Variants in NAA11 observed in about 807,000 individuals in gnomAD.
NAA11 encodes the protein N-alpha-acetyltransferase 11.
Under a neutral mutation model 16.1 loss-of-function variants are expected in NAA11, and 15 were observed. The ratio of observed to expected loss-of-function variants is 0.93; its 90% CI spans 0.62 to 1.44. The LOEUF is 1.44. Among genes scored for constraint, NAA11 ranks in the 40% most tolerant of loss-of-function variants. NAA11 has a pLI of 0.00. For synonymous variants in NAA11, 122 were observed against 112.4 expected (o/e 1.09, Z -0.54); for missense variants, 298 against 291.3 (o/e 1.02, Z -0.17).
chr4:79,252,214 G>A (rs1369735356), intron 2 of NAA11, among the ~76,000 whole-genome samples: 1 of 152,168 alleles, frequency 6.6e-6, no homozygotes, highest in Non-Finnish European at 1.5e-5. Flanking sequence ...AATGAGTGAT[G>A]AAAAATTACC....
At chr4:79,173,988 G>GT in the NAA11 span, among the ~76,000 whole-genome samples, 4 of 152,018 alleles carry the variant, frequency 2.6e-5, no homozygotes, top group African/African-American at 9.7e-5. Context: ...AGGAAGGAAG[G>GT]TAAAGGAGGC....
At chr4:79,214,061 CACCACCACAACACAGG>C in the NAA11 span, among the ~76,000 whole-genome samples, 1 of 152,264 alleles carries the variant, frequency 6.6e-6, no homozygotes, top group African/African-American at 2.4e-5. Flanking sequence ...GGATTATTTA[CACCACCACAACACAGG>C]AATTGACAAA....
chr4:79,244,681 G>A (rs1448773916), intron 2 of NAA11: 2 of 111,842 alleles, frequency 1.8e-5, no homozygotes, highest in Non-Finnish European at 3.5e-5. Context: ...CTCTGTTGCC[G>A]AGGCAGGACT....
chr4:79,325,464 A>G lies in NAA11; in HGVS notation c.414T>C (p.Tyr138=). Reference sequence around the variant, plus strand: ...TAGCATAAGCATCTTCCCCATCTGCATAGTATTTAGGTTCCACCTCACTAA... The same window carrying G: ...TAGCATAAGCATCTTCCCCATCTGCGTAGTATTTAGGTTCCACCTCACTAA... ...FQISEVEPKY[Y]ADGEDAYAMK... Residue 138 remains tyrosine, a synonymous_variant, in exon 1 of 2, where the codon TAT becomes TAC. Coordinates refer to ENST00000286794, the MANE Select transcript of NAA11 (RefSeq NM_032693.3). 6.2e-7 allele frequency: 1 copy of G among 1,614,162 alleles called. No homozygotes were observed. The highest frequency in any genetic ancestry group is 8.5e-7 in the Non-Finnish European group (1 of 1,180,016).
At chr4:79,298,324 G>A (rs796675808) in intron 1 of NAA11, among the ~76,000 whole-genome samples, 18 of 152,314 alleles carry the variant, frequency 1.2e-4, no homozygotes, top group African/African-American at 1.9e-4. Flanking sequence ...GCAGTAACAC[G>A]AACAGGCCTG....
the NAA11 span, among the ~76,000 whole-genome samples, chr4:79,160,620 T>A: frequency 4.6e-5 from 7 of 152,258 alleles, no homozygotes; most frequent in Admixed American, 3.3e-4. Context: ...GATTTTTTAG[T>A]ATCTTTTTAT....
chr4:79,222,473 C>T (rs1721213486), downstream of NAA11, among the ~76,000 whole-genome samples: 1 of 150,616 alleles, frequency 6.6e-6, no homozygotes. Context: ...CCCTTCCTTA[C>T]ACCTTATACA....
chr4:79,311,738 C>A (rs116456932), downstream of NAA11, among the ~76,000 whole-genome samples: 618 of 152,262 alleles, frequency 4.1e-3, 1 homozygote, highest in African/African-American at 0.014. Flanking sequence ...GCTAATTAGA[C>A]ACACAAAAGC....
chr4:79,298,941 A>G (rs186066088), intron 1 of NAA11: 1 of 152,368 alleles, frequency 6.6e-6, no homozygotes, highest in African/African-American at 2.4e-5. Flanking sequence ...TTTGGATTCA[A>G]GTAATAGTTG....
chr4:79,268,691 A>G lies in NAA11; in HGVS notation c.*122+25314T>C, dbSNP rs529179004. On this transcript the variant is annotated intron_variant and NMD_transcript_variant, in intron 2 of 2. Transcript: ENST00000511542. ...AATTGAACTATATTCAGGAGTAATT[A>G]AGGACACTTTGTATTTTTTTTTATT... Among the ~76,000 whole-genome samples the G allele has an allele frequency of 1.4e-3, 189 of 132,710 alleles. 1 individual carries two copies. Among genetic ancestry groups the G allele is most frequent in the African/African-American group, 5.6e-3 (180 of 31,976 alleles). The allele number at this position is 132,710 out of a possible 152,430, so 87.1% of individuals were successfully genotyped here. A position where few individuals can be genotyped will look rare whatever the true frequency, so the allele number is the denominator to read the frequency against.
intron 2 of NAA11, among the ~76,000 whole-genome samples, chr4:79,252,226 A>G (rs540331026): frequency 6.6e-6 from 1 of 152,292 alleles, no homozygotes; most frequent in African/African-American, 2.4e-5. Flanking sequence ...AAAATTACCT[A>G]CTGGGTACGA....
At chr4:79,309,019 G>A (rs1204790549) in intron 1 of NAA11, among the ~76,000 whole-genome samples, 1 of 152,132 alleles carries the variant, frequency 6.6e-6, no homozygotes. Context: ...GTGTGGGAGG[G>A]GGATGTATGA....
At chr4:79,291,081 A>G (rs990646622) in intron 2 of NAA11, among the ~76,000 whole-genome samples, 1 of 152,184 alleles carries the variant, frequency 6.6e-6, no homozygotes, top group Non-Finnish European at 1.5e-5. Flanking sequence ...AACAAAATAA[A>G]ATAGTACCAT....
At chr4:79,322,641 T>C (rs571209219) in intron 1 of NAA11, among the ~76,000 whole-genome samples, 20 of 152,180 alleles carry the variant, frequency 1.3e-4, no homozygotes, top group Admixed American at 7.8e-4. Flanking sequence ...AATTTGAAAG[T>C]TGAAATTTTT....
At chr4:79,178,889 A>G in the NAA11 span, among the ~76,000 whole-genome samples, 1 of 152,182 alleles carries the variant, frequency 6.6e-6, no homozygotes, top group African/African-American at 2.4e-5. Flanking sequence ...TTACAGGGAG[A>G]AAGAAGAGCA....
chr4:79,268,859 A>T (rs1213897664), intron 2 of NAA11, among the ~76,000 whole-genome samples: 2 of 70,594 alleles, frequency 2.8e-5, no homozygotes, highest in Non-Finnish European at 2.6e-5. Context: ...CCCTCCCCCC[A>T]CCCCACCACA....
At chr4:79,292,364 G>A (rs181452097) in intron 2 of NAA11, among the ~76,000 whole-genome samples, 25 of 152,224 alleles carry the variant, frequency 1.6e-4, no homozygotes, top group African/African-American at 2.6e-4. Context: ...GTTGTCACCC[G>A]ACATCTCCAA....
At chr4:79,312,372 C>T (rs1187809334), downstream of NAA11, among the ~76,000 whole-genome samples, 2 of 151,856 alleles carry the variant, frequency 1.3e-5, no homozygotes, top group East Asian at 1.9e-4. Context: ...GGATCTTGGC[C>T]GGGCGCAGTG....
the NAA11 span, among the ~76,000 whole-genome samples, chr4:79,202,300 C>T: frequency 1.3e-5 from 2 of 151,262 alleles, no homozygotes; most frequent in East Asian, 1.9e-4. Context: ...TTTGCAACAA[C>T]GTGGATGAAT....
Sources: allele counts gnomAD v4.1 joint callset (sites outside exome capture counted in the v4.1 genomes callset), GRCh38; gene constraint gnomAD v4.1.1; transcripts MANE v1.5; gene names NCBI Gene and HGNC (gene_info 2026-07-23, HGNC 2026-07-21).